Variants in PRR5L observed in about 807,000 individuals in gnomAD.
The protein encoded by PRR5L is proline-rich protein 5-like.
PRR5L carries 21 observed loss-of-function variants against 36.4 expected under a neutral mutation model. The observed-to-expected ratio is 0.58, with a 90% confidence interval of 0.41 to 0.83. PRR5L has a LOEUF of 0.83. PRR5L is among the 40% of genes least tolerant of loss of function. The pLI is 0.00. For synonymous variants in PRR5L, 188 were observed against 197.0 expected (o/e 0.95, Z 0.38); for missense variants, 381 against 473.3 (o/e 0.80, Z 1.81).
At chr11:36,351,283 T>TTA (rs1313092860) in intron 1 of PRR5L, among the ~76,000 whole-genome samples, 1 of 23,234 alleles carries the variant, frequency 4.3e-5, no homozygotes, top group South Asian at 1.6e-3. Context: ...TATATATATG[T>TTA]ATATTTATAT....
intron 1 of PRR5L, among the ~76,000 whole-genome samples, chr11:36,357,708 G>GA (rs879370802): frequency 3.3e-4 from 48 of 147,650 alleles, no homozygotes; most frequent in South Asian, 6.4e-4. Context: ...CTACTATTCA[G>GA]AAAAAAAAAA....
chr11:36,376,696 C>T, intron 1 of PRR5L: 6 of 989,842 alleles, frequency 6.1e-6, no homozygotes, highest in Non-Finnish European at 7.2e-6. Flanking sequence ...CGCCGGGGAC[C>T]CCAAGGAGGT....
intron 1 of PRR5L, among the ~76,000 whole-genome samples, chr11:36,347,661 A>G (rs1190268192): frequency 1.3e-5 from 2 of 151,888 alleles, no homozygotes; most frequent in Admixed American, 1.3e-4. Flanking sequence ...CTCACATCCT[A>G]GAGAGGAGAA....
rs1323895906 is a variant in PRR5L at position 36,350,954 on chromosome 11, A to ATATATTTATATATTTATATATATT, written c.-125-50038_-125-50037insTTATATATTTATATATATTTATAT. 2.5e-3 allele frequency among the ~76,000 whole-genome samples: 35 copies of ATATATTTATATATTTATATATATT among 13,988 alleles called. 6 individuals carry two copies. Among genetic ancestry groups the ATATATTTATATATTTATATATATT allele is most frequent in the African/African-American group, 5.4e-3 (26 of 4,826 alleles). The allele number at this position is 13,988 out of a possible 152,430, so 9.2% of individuals were successfully genotyped here. On this transcript the variant is annotated intron_variant, in intron 1 of 8. Coordinates refer to ENST00000530639, the MANE Select transcript of PRR5L (RefSeq NM_001160167.2). ...TTTATATATTTATATATATATATTT[A>ATATATTTATATATTTATATATATT]TATATATTTATATATTTATATATAT... is the stretch of plus-strand genomic sequence containing the variant.
At chr11:36,435,299 T>A (rs2133603467) in intron 5 of PRR5L, among the ~76,000 whole-genome samples, 1 of 152,274 alleles carries the variant, frequency 6.6e-6, no homozygotes, top group East Asian at 1.9e-4. Flanking sequence ...GCCAGTACTT[T>A]GCTAGGTGCT....
At position 36,325,641 on chromosome 11, in the gene PRR5L, T is replaced by C. The variant is rs543766212; in HGVS notation, c.-126+29203T>C. Among the ~76,000 whole-genome samples the C allele has an allele frequency of 2.5e-3, 382 of 152,294 alleles. 2 individuals are homozygous for C. The highest frequency in any genetic ancestry group is 8.8e-3 in the African/African-American group (365 of 41,564). The stretch of plus-strand genomic sequence containing the variant: ...TTAGTGAGCTGTCTCTACTATCTGA[T>C]TGGTCGGGTGTGAGCTGAGTTGCAA... On this transcript the variant is annotated intron_variant, in intron 1 of 8. Coordinates refer to ENST00000530639, the MANE Select transcript of PRR5L (RefSeq NM_001160167.2).
chr11:36,438,122 T>G (rs1858643334), intron 6 of PRR5L, among the ~76,000 whole-genome samples: 1 of 151,850 alleles, frequency 6.6e-6, no homozygotes, highest in Non-Finnish European at 1.5e-5. Flanking sequence ...CCTCTACTCC[T>G]ACCATTTGTG....
At chr11:36,391,533 T>G (rs544384040) in intron 1 of PRR5L, among the ~76,000 whole-genome samples, 2 of 151,330 alleles carry the variant, frequency 1.3e-5, no homozygotes, top group South Asian at 2.1e-4. Flanking sequence ...GCTTTCCAGA[T>G]AACTGAAGTT....
chr11:36,315,175 C>G (rs1856543079), intron 1 of PRR5L, among the ~76,000 whole-genome samples: 1 of 152,100 alleles, frequency 6.6e-6, no homozygotes, highest in African/African-American at 2.4e-5. Flanking sequence ...TTAGTCTCCT[C>G]CATTGTAAAA....
chr11:36,402,913 A>G (rs532792006), intron 2 of PRR5L, among the ~76,000 whole-genome samples: 1 of 152,348 alleles, frequency 6.6e-6, no homozygotes, highest in South Asian at 2.1e-4. Context: ...CTTCCCTGTG[A>G]AGACAGTGGC....
At chr11:36,342,723 G>T (rs147894786) in intron 1 of PRR5L, among the ~76,000 whole-genome samples, 2 of 152,076 alleles carry the variant, frequency 1.3e-5, no homozygotes, top group Admixed American at 6.6e-5. Context: ...TCAGGGTCAG[G>T]GCTGACTCTT....
intron 2 of PRR5L, 82 bp from the exon 3 acceptor site, chr11:36,403,216 A>T: frequency 8.2e-7 from 1 of 1,218,540 alleles, no homozygotes; most frequent in Non-Finnish European, 1.2e-6. Flanking sequence ...TGGTCACTCC[A>T]CACACCTTCA....
At chr11:36,389,614 A>ATTTT (rs368918273) in intron 1 of PRR5L, among the ~76,000 whole-genome samples, 21 of 135,000 alleles carry the variant, frequency 1.6e-4, no homozygotes, top group East Asian at 6.5e-4. Context: ...AGCCCCATGT[A>ATTTT]TTTTTTTTTT....
At chr11:36,429,104 G>T (rs1564946398) in intron 4 of PRR5L, among the ~76,000 whole-genome samples, 1 of 152,082 alleles carries the variant, frequency 6.6e-6, no homozygotes, top group African/African-American at 2.4e-5. Context: ...CTAGAAAGGA[G>T]AAGAAAGGAA....
At chr11:36,447,533 C>T (rs1858856409) in intron 7 of PRR5L, among the ~76,000 whole-genome samples, 1 of 152,248 alleles carries the variant, frequency 6.6e-6, no homozygotes, top group Non-Finnish European at 1.5e-5. Context: ...TATGCCTCTT[C>T]ACCTCTGTAA....
intron 3 of PRR5L, among the ~76,000 whole-genome samples, chr11:36,415,356 T>A (rs1370347808): frequency 6.6e-6 from 1 of 152,210 alleles, no homozygotes; most frequent in Non-Finnish European, 1.5e-5. Flanking sequence ...CTTACGTAAT[T>A]TCCAGCAACA....
intron 6 of PRR5L, among the ~76,000 whole-genome samples, chr11:36,438,664 A>G (rs1452174889): frequency 6.6e-6 from 1 of 152,152 alleles, no homozygotes; most frequent in African/African-American, 2.4e-5. Flanking sequence ...TGAAGCAAAT[A>G]AAAATACAGG....
chr11:36,438,318 G>T (rs1332017678), intron 6 of PRR5L, among the ~76,000 whole-genome samples: 2 of 152,052 alleles, frequency 1.3e-5, no homozygotes, highest in African/African-American at 4.8e-5. Flanking sequence ...ATGTAATTAG[G>T]TATTGTTGAA....
chr11:36,382,113 G>A (rs776838706), intron 1 of PRR5L, among the ~76,000 whole-genome samples: 2 of 152,114 alleles, frequency 1.3e-5, no homozygotes, highest in South Asian at 2.1e-4. Context: ...AGCGGAGATC[G>A]CGCCACTTCA....
Sources: gnomAD v4.1 joint callset for allele counts (sites outside exome capture counted in the v4.1 genomes callset) on GRCh38, gnomAD v4.1.1 for gene constraint, MANE v1.5 for transcripts, NCBI Gene and HGNC (gene_info 2026-07-23, HGNC 2026-07-21) for gene names.